Variants in NFIB observed in about 807,000 individuals in gnomAD.
NFIB encodes nuclear factor I B.
In NFIB, 11 loss-of-function variants were observed where a neutral mutation model predicts 61.5. That is an observed-to-expected ratio of 0.18 (90% confidence interval 0.11 to 0.30). The LOEUF (loss-of-function observed/expected upper bound fraction) is 0.30. Ranked by LOEUF, NFIB falls within the 10% of genes least tolerant of loss-of-function variation. The probability of loss-of-function intolerance (pLI) is 1.00; values close to 1 mark genes in which losing one functional copy is unlikely to be tolerated. For missense variants in NFIB, 471 were observed against 608.9 expected (o/e 0.77, Z 2.38); for synonymous variants, 260 against 216.5 (o/e 1.20, Z -1.76).
At chr9:14,476,745 T>C in the NFIB span, among the ~76,000 whole-genome samples, 2 of 152,158 alleles carry the variant, frequency 1.3e-5, no homozygotes, top group Non-Finnish European at 2.9e-5. Context: ...AACCCGGTAA[T>C]CTCTGAGACT....
chr9:14,482,462 C>G, the NFIB span, among the ~76,000 whole-genome samples: 2 of 152,186 alleles, frequency 1.3e-5, no homozygotes, highest in Non-Finnish European at 2.9e-5. Flanking sequence ...CACCCCCTCA[C>G]CATGTTCTTA....
At chr9:14,521,276 C>T in the NFIB span, among the ~76,000 whole-genome samples, 1 of 152,188 alleles carries the variant, frequency 6.6e-6, no homozygotes, top group East Asian at 1.9e-4. Flanking sequence ...TGTCCTCTAA[C>T]TAAAAGGTCA....
intron 2 of NFIB, among the ~76,000 whole-genome samples, chr9:14,233,102 G>C (rs978717550): frequency 6.6e-6 from 1 of 152,166 alleles, no homozygotes; most frequent in East Asian, 1.9e-4. Context: ...AGTTTAACTC[G>C]TGGTACCTCC....
the NFIB span, among the ~76,000 whole-genome samples, chr9:14,528,590 C>T: frequency 6.6e-6 from 1 of 151,992 alleles, no homozygotes; most frequent in African/African-American, 2.4e-5. Context: ...AATAATTACC[C>T]TTCATGATTA....
At position 14,342,553 on chromosome 9, in the gene NFIB, T is replaced by C. The variant is rs112064146; in HGVS notation, c.109-35033A>G. Reference sequence around the variant, plus strand: ...AAAAGAGGGAAGGAAGGCTCGTTTATTGAACCCAGGCTGCATGCCAGACAT... The same window carrying C: ...AAAAGAGGGAAGGAAGGCTCGTTTACTGAACCCAGGCTGCATGCCAGACAT... On this transcript the variant is annotated intron_variant, in intron 1 of 8. Coordinates refer to the NFIB transcript ENST00000380934. 2.2e-4 allele frequency among the ~76,000 whole-genome samples: 33 copies of C among 152,244 alleles called. No individual in the cohort carries two copies. In the South Asian group the frequency reaches 5.6e-3, roughly 26 times the overall value.
At chr9:14,462,972 T>G in the NFIB span, among the ~76,000 whole-genome samples, 12 of 152,224 alleles carry the variant, frequency 7.9e-5, no homozygotes, top group African/African-American at 2.9e-4. Flanking sequence ...GAATATGTGC[T>G]TCACGAATGT....
chr9:14,227,065 C>T (rs2052517922), intron 2 of NFIB, among the ~76,000 whole-genome samples: 1 of 148,906 alleles, frequency 6.7e-6, no homozygotes, highest in Non-Finnish European at 1.5e-5. Flanking sequence ...TGCTTGTACC[C>T]AGGAGGCAAA....
At chr9:14,439,916 T>G in the NFIB span, among the ~76,000 whole-genome samples, 1 of 152,290 alleles carries the variant, frequency 6.6e-6, no homozygotes, top group Non-Finnish European at 1.5e-5. Context: ...AATATCTCAG[T>G]CAATTTCGTC....
the NFIB span, among the ~76,000 whole-genome samples, chr9:14,487,185 G>C: frequency 5.3e-5 from 8 of 152,128 alleles, no homozygotes; most frequent in African/African-American, 1.9e-4. Context: ...CAAGGTTTGA[G>C]CGCACACGAA....
chr9:14,467,106 G>A, the NFIB span, among the ~76,000 whole-genome samples: 2 of 152,134 alleles, frequency 1.3e-5, no homozygotes, highest in East Asian at 1.9e-4. Context: ...GTTTCCCTTC[G>A]AGGTGTTGGG....
the NFIB span, among the ~76,000 whole-genome samples, chr9:14,438,891 G>A: frequency 6.6e-6 from 1 of 152,290 alleles, no homozygotes; most frequent in East Asian, 1.9e-4. Flanking sequence ...GGGACATGGG[G>A]TGGAGAGAGG....
chr9:14,453,696 A>G, the NFIB span, among the ~76,000 whole-genome samples: 101 of 152,236 alleles, frequency 6.6e-4, 1 homozygote, highest in Non-Finnish European at 5.9e-4. Context: ...GGGATAGGGT[A>G]CATTCCCGTT....
intron 10 of NFIB, among the ~76,000 whole-genome samples, chr9:14,105,175 G>A (rs1345806139): frequency 6.6e-6 from 1 of 152,080 alleles, no homozygotes; most frequent in East Asian, 1.9e-4. Context: ...CGTATTTTTG[G>A]ACTTTTCTTT....
rs1190499683 is a variant in NFIB at position 14,231,134 on chromosome 9, AAATATATATATATATATATAT to A, written c.563-51375_563-51355del. Among the ~76,000 whole-genome samples, 16 of 73,984 alleles carry A rather than the reference AAATATATATATATATATATAT, an allele frequency of 2.2e-4. 1 individual carries two copies. The highest frequency in any genetic ancestry group is 2.1e-3 in the East Asian group (2 of 956). 48.5% of individuals were successfully genotyped at this position (73,984 alleles called of 152,430 possible). ...TTTTCCATGGGGAAAAAAAAAAAAA[AAATATATATATATATATATAT>A]ATATATATATATTCGTTGAGACATT... is the stretch of plus-strand genomic sequence containing the variant. On this transcript the variant is annotated intron_variant, in intron 2 of 10. Coordinates refer to ENST00000380953, the MANE Select transcript of NFIB (RefSeq NM_001190737.2).
Position 14,313,262 on chromosome 9 carries a change from T to A in NFIB, c.30+220A>T, listed in dbSNP as rs1024075763. ...GCCTTGCCCGGCCCAGCGCCCGCGC[T>A]CCGTGCCCAGGGCGCGGGGCTGGGC... On this transcript the variant is annotated intron_variant, in intron 1 of 10. Coordinates refer to ENST00000380953, the MANE Select transcript of NFIB (RefSeq NM_001190737.2). The surrounding 1 kb of genome is among the most constrained non-coding windows in gnomAD (Gnocchi z 4.5). 6.6e-6 allele frequency among the ~76,000 whole-genome samples: 1 copy of A among 151,224 alleles called. No homozygotes were observed. The highest frequency in any genetic ancestry group is 6.6e-5 in the Admixed American group (1 of 15,154).
rs2038295564 is a variant in NFIB, at chr9:14,117,395, C to A, written c.1246-1049G>T. On this transcript the variant is annotated intron_variant, in intron 8 of 10. Coordinates refer to ENST00000380953, the MANE Select transcript of NFIB (RefSeq NM_001190737.2). ...ACTGAGAATGTTATTTTTGATTATACCCATGTTGGAATTCTCCACTGCACG... is the reference window on the plus strand; with the variant it reads ...ACTGAGAATGTTATTTTTGATTATAACCATGTTGGAATTCTCCACTGCACG... Among the ~76,000 whole-genome samples, 2 of 152,010 alleles carry A rather than the reference C, an allele frequency of 1.3e-5. 1 individual carries two copies. Among genetic ancestry groups the A allele is most frequent in the South Asian group, 4.1e-4 (2 of 4,824 alleles).
intron 1 of NFIB, among the ~76,000 whole-genome samples, chr9:14,344,543 G>A (rs890677653): frequency 7.2e-5 from 11 of 152,244 alleles, no homozygotes; most frequent in Admixed American, 6.5e-4. Flanking sequence ...TTCTTAAAGG[G>A]ACAGAATAAG....
chr9:14,301,554 T>A (rs2059752704), intron 2 of NFIB, among the ~76,000 whole-genome samples: 1 of 152,108 alleles, frequency 6.6e-6, no homozygotes, highest in South Asian at 2.1e-4. Flanking sequence ...ATGTAACAAA[T>A]AAGCGTCCCA....
intron 1 of NFIB, among the ~76,000 whole-genome samples, chr9:14,350,389 G>C (rs2061092349): frequency 6.6e-6 from 1 of 152,120 alleles, no homozygotes; most frequent in Non-Finnish European, 1.5e-5. Flanking sequence ...ATGATGGTTG[G>C]AACTACGTTT....
Sources: allele counts gnomAD v4.1 joint callset (sites outside exome capture counted in the v4.1 genomes callset), GRCh38; gene constraint gnomAD v4.1.1; non-coding constraint Gnocchi (gnomAD v3.1); transcripts MANE v1.5; gene names NCBI Gene and HGNC (gene_info 2026-07-23, HGNC 2026-07-21).